The following KCNIP2 variants were observed in gnomAD, a reference collection of about 807,000 sequenced individuals.
The protein encoded by KCNIP2 is potassium voltage-gated channel interacting protein 2, also known as A-type potassium channel modulatory protein KCNIP2.
Under a neutral mutation model 39.0 loss-of-function variants are expected in KCNIP2, and 19 were observed. The observed-to-expected ratio is 0.49, with a 90% CI of 0.34 to 0.71. The LOEUF (loss-of-function observed/expected upper bound fraction) is 0.71, where lower values mean the gene tolerates loss of function less well. KCNIP2 is among the 30% of genes least tolerant of loss of function. The pLI, the probability that KCNIP2 is intolerant of heterozygous loss-of-function variation, is 0.01. For synonymous variants in KCNIP2, 111 were observed against 131.2 expected, an observed-to-expected ratio of 0.85 and a Z score of 1.05; for missense variants, 261 against 346.0, an observed-to-expected ratio of 0.75 and a Z score of 1.95.
chr10:101,827,750 T>C lies in KCNIP2; in HGVS notation c.704A>G (p.Lys235Arg). The C allele has an allele frequency of 6.2e-7, 1 of 1,612,202 alleles. No homozygotes were observed. Among genetic ancestry groups the C allele is most frequent in the Non-Finnish European group, 8.5e-7 (1 of 1,178,272 alleles). ...PREHVESFFQKMDRNKDGVVT... is the reference protein window; with the variant it reads ...PREHVESFFQRMDRNKDGVVT... ...CACACCATCCTTGTTTCTGTCCATC[T>C]TCTGCAAGAAGGTGGTCAGGCAGGG... Residue 235 changes from lysine to arginine, a missense_variant and splice_region_variant, in exon 9 of 10, where the codon AAG becomes AGG. Transcript: ENST00000356640.
At chr10:101,833,021 G>A (rs987167250) in intron 1 of KCNIP2, among the ~76,000 whole-genome samples, 1 of 149,314 alleles carries the variant, frequency 6.7e-6, no homozygotes, top group Non-Finnish European at 1.5e-5. Flanking sequence ...AGCAGAGGAT[G>A]GAGGGTGAGC....
chr10:101,828,779 C>T lies in KCNIP2; in HGVS notation c.349-83G>A, dbSNP rs1394516618. ...CCCCACCCTCCATGGCCCAAGACTC[C>T]CAGGGAGGGGGATAATCTTCAAGCC... On this transcript the variant is annotated intron_variant, in intron 4 of 9. Coordinates refer to ENST00000356640, the MANE Select transcript of KCNIP2 (RefSeq NM_173191.3). This position sits in a 1 kb window ranked among gnomAD's most constrained non-coding sequence, Gnocchi z 6.6. The T allele has an allele frequency of 4.3e-6, 7 of 1,611,202 alleles. No homozygotes were observed. The East Asian group carries it at 8.9e-5, about 21-fold the overall frequency.
chr10:101,843,622 G>T lies in KCNIP2; in HGVS notation c.-54C>A. ...CCGTGGGAGGGGGCGCCGGGTGGCC[G>T]GGATAGGGCGCTCACACGGCGCCCC... On this transcript the variant is annotated 5_prime_UTR_variant, in exon 1 of 10. Transcript: ENST00000356640. The surrounding 1 kb of genome is among the most constrained non-coding windows in gnomAD (Gnocchi z 6.7). 2 of 1,111,608 alleles carry T rather than the reference G, an allele frequency of 1.8e-6. No homozygotes were observed. The highest frequency in any genetic ancestry group is 1.2e-6 in the Non-Finnish European group (1 of 810,782). The allele number at this position is 1,111,608 out of a possible 1,614,324, so 68.9% of individuals were successfully genotyped here.
chr10:101,836,849 T>TA (rs1276435801), intron 1 of KCNIP2, among the ~76,000 whole-genome samples: 1 of 152,110 alleles, frequency 6.6e-6, no homozygotes, highest in African/African-American at 2.4e-5. Context: ...TAATCCCAGC[T>TA]ACTTGGGAGG....
chr10:101,830,860 G>C (rs1482312201), intron 2 of KCNIP2, among the ~76,000 whole-genome samples: 1 of 147,974 alleles, frequency 6.8e-6, no homozygotes, highest in Non-Finnish European at 1.5e-5. Context: ...CCGGCCTGGG[G>C]CACGCTCGCG....
chr10:101,840,550 A>ACCCCCCCCC (rs5787446), intron 1 of KCNIP2, among the ~76,000 whole-genome samples: 1 of 95,966 alleles, frequency 1.0e-5, no homozygotes, highest in Non-Finnish European at 2.0e-5. Context: ...CCCCCCCCGC[A>ACCCCCCCCC]CCCCCCCCCC....
intron 1 of KCNIP2, among the ~76,000 whole-genome samples, chr10:101,841,130 T>C (rs1423033838): frequency 6.6e-6 from 1 of 152,304 alleles, no homozygotes; most frequent in Non-Finnish European, 1.5e-5. Context: ...AAAGAGTCTC[T>C]CCCAGCTCCC....
chr10:101,831,851 C>T, intron 1 of KCNIP2, among the ~76,000 whole-genome samples: 1 of 152,288 alleles, frequency 6.6e-6, no homozygotes, highest in East Asian at 1.9e-4. Flanking sequence ...GACCTTATAA[C>T]ATTATGAGAC....
At position 101,828,269 on chromosome 10, in the gene KCNIP2, G is replaced by T; in HGVS notation, c.490-11C>A. ...ACCAGCCACAAAGTCCTGGGAAGGA[G>T]GCAGGAGGGAGCTGTGTCCTCGGGT... On this transcript the variant is annotated splice_polypyrimidine_tract_variant and intron_variant, in intron 6 of 9. Coordinates refer to ENST00000356640, the MANE Select transcript of KCNIP2 (RefSeq NM_173191.3). This position sits in a 1 kb window ranked among gnomAD's most constrained non-coding sequence, Gnocchi z 6.6. 1 of 1,613,194 alleles carries T rather than the reference G, an allele frequency of 6.2e-7. No homozygotes were observed. The highest frequency in any genetic ancestry group is 8.5e-7 in the Non-Finnish European group (1 of 1,179,140).
At position 101,829,189 on chromosome 10, in the gene KCNIP2, G is replaced by C. The variant is rs374306816; in HGVS notation, c.234C>G (p.Asp78Glu). The change falls in exon 4 of 10, where the codon GAC becomes GAG. Residue 78 changes from aspartate to glutamate, a missense_variant. Transcript: ENST00000356640. ...RPRLLDPDSV[D>E]DEFELSTVCH... ...ACACGGTGGACAATTCAAATTCATC[G>C]TCCACGCTGTCTGCGGGAGCGGTGA... is the stretch of plus-strand genomic sequence containing the variant. 1.3e-5 allele frequency: 21 copies of C among 1,613,032 alleles called. No individual in the cohort carries two copies. Among genetic ancestry groups the C allele is most frequent in the Non-Finnish European group, 1.7e-5 (20 of 1,179,470 alleles).
intron 1 of KCNIP2, among the ~76,000 whole-genome samples, chr10:101,842,680 G>A (rs1207799465): frequency 1.3e-5 from 2 of 152,132 alleles, no homozygotes; most frequent in Non-Finnish European, 2.9e-5. Flanking sequence ...TCCCTCCTTG[G>A]GTCCACCTGG....
At chr10:101,839,997 G>A in intron 1 of KCNIP2, 1 of 368,518 alleles carries the variant, frequency 2.7e-6, no homozygotes, top group Non-Finnish European at 4.4e-6. Context: ...TCTCCTGGCC[G>A]CACGAGAGGA....
intron 3 of KCNIP2, chr10:101,829,613 A>ACCCTCCCCTCGTCCCACCCAGC (rs2065889542): frequency 1.3e-5 from 2 of 152,254 alleles, no homozygotes; most frequent in African/African-American, 6.1e-5. Context: ...CCCCGCCCAA[A>ACCCTCCCCTCGTCCCACCCAGC]CCCTCCCCTC....
chr10:101,832,273 C>A (rs530409148), intron 1 of KCNIP2, among the ~76,000 whole-genome samples: 1 of 150,914 alleles, frequency 6.6e-6, no homozygotes, highest in Admixed American at 6.6e-5. Flanking sequence ...TCTAATTGCA[C>A]CCCCAGAGGA....
chr10:101,828,095 T>G lies in KCNIP2; in HGVS notation c.597+56A>C. ...GGGTCATATTTCCCTCCCATCACCC[T>G]CTGCACGCCACCCCCATCACCGCCA... On this transcript the variant is annotated intron_variant, in intron 7 of 9. Transcript: ENST00000356640. The surrounding 1 kb of genome is among the most constrained non-coding windows in gnomAD (Gnocchi z 6.6). The G allele has an allele frequency of 6.4e-7, 1 of 1,566,838 alleles. No individual in the cohort carries two copies. The highest frequency in any genetic ancestry group is 8.8e-7 in the Non-Finnish European group (1 of 1,137,220).
intron 1 of KCNIP2, among the ~76,000 whole-genome samples, chr10:101,835,480 G>A (rs1018866936): frequency 9.9e-5 from 15 of 152,144 alleles, no homozygotes; most frequent in South Asian, 4.1e-4. Context: ...TGCTGGCTCC[G>A]TATGTGGCTG....
chr10:101,831,211 G>T, intron 1 of KCNIP2, 44 bp from the exon 2 acceptor site: 1 of 1,398,664 alleles, frequency 7.1e-7, no homozygotes, highest in Non-Finnish European at 9.8e-7. Context: ...AACTCCCATT[G>T]TCCCTCTGTT....
In KCNIP2 at chr10:101,828,191, T is replaced by A; in HGVS notation, c.557A>T (p.Asn186Ile). ...TVDDRLNWAF[N>I]LYDLNKDGCI... ...GCCGTCCTTGTTAAGGTCATACAGG[T>A]TGAAGGCCCAATTAAGCCTGTCATC... The change falls in exon 7 of 10, where the codon AAC (asparagine) becomes ATC (isoleucine). Residue 186 changes from asparagine to isoleucine, a missense_variant. Asn to Ile is a moderately radical substitution (Grantham distance 149). Coordinates refer to ENST00000356640, the MANE Select transcript of KCNIP2 (RefSeq NM_173191.3). This position sits in a 1 kb window ranked among gnomAD's most constrained non-coding sequence, Gnocchi z 6.6. 3.7e-6 allele frequency: 6 copies of A among 1,614,078 alleles called. No individual in the cohort carries two copies. The highest frequency in any genetic ancestry group is 4.2e-6 in the Non-Finnish European group (5 of 1,180,012).
At position 101,826,139 on chromosome 10, in the gene KCNIP2, G is replaced by A. The variant is rs1037533017; in HGVS notation, c.*1214C>T. On this transcript the variant is annotated 3_prime_UTR_variant, in exon 10 of 10. Transcript: ENST00000356640. ...ACTGGGAGGGTAAGCTAAATGGGAC[G>A]AGCAGGTGTGCTAAGGGGTGGCCGC... 2 of 152,702 alleles carry A rather than the reference G, an allele frequency of 1.3e-5. No homozygotes were observed. The highest frequency in any genetic ancestry group is 2.9e-5 in the Non-Finnish European group (2 of 68,096). The allele number at this position is 152,702 out of a possible 1,614,324, so 9.5% of individuals were successfully genotyped here. A position where few individuals can be genotyped will look rare whatever the true frequency, so the allele number is the denominator to read the frequency against.
Sources: allele counts gnomAD v4.1 joint callset (sites outside exome capture counted in the v4.1 genomes callset), GRCh38; gene constraint gnomAD v4.1.1; non-coding constraint Gnocchi (gnomAD v3.1); transcripts MANE v1.5; gene names NCBI Gene and HGNC (gene_info 2026-07-23, HGNC 2026-07-21).